The following RTN1 variants were observed in gnomAD, a reference collection of about 807,000 sequenced individuals.
RTN1 encodes reticulon-1.
RTN1 carries 25 observed loss-of-function variants against 65.5 expected under a neutral mutation model. That is an observed-to-expected ratio of 0.38 (90% CI 0.28 to 0.53). The LOEUF is 0.53. RTN1 is among the 20% of genes least tolerant of loss of function. The probability of loss-of-function intolerance (pLI) is 0.79; values close to 1 mark genes in which losing one functional copy is unlikely to be tolerated. For missense variants in RTN1, 983 were observed against 1,025.4 expected (o/e 0.96, Z 0.57); for synonymous variants, 471 against 447.6 (o/e 1.05, Z -0.66).
At chr14:59,833,750 G>A (rs941959283) in intron 1 of RTN1, among the ~76,000 whole-genome samples, 1 of 152,046 alleles carries the variant, frequency 6.6e-6, no homozygotes, top group Non-Finnish European at 1.5e-5. Flanking sequence ...TAATTTTAGA[G>A]AATATGCAGG....
In RTN1 at chr14:59,764,601, T is replaced by C. The variant is rs1450352264; in HGVS notation, c.242-18120A>G. On this transcript the variant is annotated intron_variant, in intron 1 of 8. Transcript: ENST00000267484. ...CCTCCCAAAGTGCTGGGATTACAGG[T>C]GTGAGCCATCGCGCCCAGCCGTGAA... is the stretch of plus-strand genomic sequence containing the variant. 2.6e-5 allele frequency among the ~76,000 whole-genome samples: 4 copies of C among 152,214 alleles called. No individual in the cohort carries two copies. The East Asian group carries it at 7.7e-4, about 29-fold the overall frequency.
chr14:59,819,315 C>T (rs1322081998), intron 1 of RTN1, among the ~76,000 whole-genome samples: 2 of 147,456 alleles, frequency 1.4e-5, no homozygotes, highest in Non-Finnish European at 1.5e-5. Flanking sequence ...TCTTTATTCC[C>T]TTATCTGGCC....
At chr14:59,657,053 A>T (rs1284627526) in intron 3 of RTN1, among the ~76,000 whole-genome samples, 1 of 152,118 alleles carries the variant, frequency 6.6e-6, no homozygotes, top group Non-Finnish European at 1.5e-5. Context: ...CAAAAGATAT[A>T]ATACCTAATC....
intron 3 of RTN1, among the ~76,000 whole-genome samples, chr14:59,713,990 C>T (rs1884477781): frequency 6.6e-6 from 1 of 152,110 alleles, no homozygotes; most frequent in South Asian, 2.1e-4. Flanking sequence ...AATCCCAGCA[C>T]CTTGGGAGGC....
intron 1 of RTN1, among the ~76,000 whole-genome samples, chr14:59,809,845 G>A (rs932666860): frequency 5.3e-5 from 8 of 152,068 alleles, no homozygotes; most frequent in African/African-American, 7.2e-5. Flanking sequence ...GTTTCAGGCC[G>A]ATTTTTGTGC....
intron 1 of RTN1, among the ~76,000 whole-genome samples, chr14:59,855,113 T>G (rs1355126636): frequency 1.3e-5 from 2 of 152,230 alleles, no homozygotes; most frequent in Non-Finnish European, 2.9e-5. Flanking sequence ...AATATACCTG[T>G]CAGTCTGTTT....
Position 59,727,880 on chromosome 14 carries a change from C to A in RTN1, c.1016-212G>T, listed in dbSNP as rs1196505589. 6.6e-6 allele frequency among the ~76,000 whole-genome samples: 1 copy of A among 152,152 alleles called. No homozygotes were observed. The highest frequency in any genetic ancestry group is 2.1e-4 in the South Asian group (1 of 4,822). ...ACTAAAAGGCTAATTACTGTTATGG[C>A]CCAATTAATTAGTGTTTTACAGACC... is the stretch of plus-strand genomic sequence containing the variant. On this transcript the variant is annotated intron_variant, in intron 2 of 8. Coordinates refer to ENST00000267484, the MANE Select transcript of RTN1 (RefSeq NM_021136.3). The surrounding 1 kb of genome is among the most constrained non-coding windows in gnomAD (Gnocchi z 4.2).
rs146320406 is a variant in RTN1, at chr14:59,868,764, G to A, written c.241+1626C>T. 5.3e-5 allele frequency among the ~76,000 whole-genome samples: 8 copies of A among 152,290 alleles called. No individual in the cohort carries two copies. The East Asian group carries it at 1.3e-3, about 26-fold the overall frequency. ...TCTTAGTGGCACTAATAGGAGGTGGGTAATGTTTCATAAAGAAACAATTTA... is the reference window on the plus strand; with the variant it reads ...TCTTAGTGGCACTAATAGGAGGTGGATAATGTTTCATAAAGAAACAATTTA... On this transcript the variant is annotated intron_variant, in intron 1 of 8. Transcript: ENST00000267484. The surrounding 1 kb of genome is among the most constrained non-coding windows in gnomAD (Gnocchi z 4.0).
chr14:59,639,153 T>G (rs941628160), intron 3 of RTN1, among the ~76,000 whole-genome samples: 1 of 152,168 alleles, frequency 6.6e-6, no homozygotes, highest in Non-Finnish European at 1.5e-5. Context: ...GGTTGAGCAG[T>G]CAGAACACAC....
intron 1 of RTN1, among the ~76,000 whole-genome samples, chr14:59,765,959 G>A (rs1048509649): frequency 5.9e-5 from 9 of 152,194 alleles, no homozygotes; most frequent in African/African-American, 1.9e-4. Flanking sequence ...GCTGGGCATG[G>A]TGGCTCACGC....
intron 3 of RTN1, among the ~76,000 whole-genome samples, chr14:59,679,944 C>T (rs927820844): frequency 2.6e-5 from 4 of 152,030 alleles, no homozygotes; most frequent in Non-Finnish European, 1.5e-5. Context: ...TCTTAAAAAC[C>T]AGGTCAGACT....
chr14:59,850,837 C>T (rs1160823746), intron 1 of RTN1, among the ~76,000 whole-genome samples: 2 of 152,204 alleles, frequency 1.3e-5, no homozygotes, highest in Non-Finnish European at 2.9e-5. Flanking sequence ...CACATGGGCA[C>T]TAAGAATGTG....
intron 1 of RTN1, among the ~76,000 whole-genome samples, chr14:59,780,767 T>G (rs548079271): frequency 6.6e-6 from 1 of 152,334 alleles, no homozygotes; most frequent in South Asian, 2.1e-4. Context: ...TAGTAGTGAA[T>G]CCAATTGTAT....
chr14:59,855,580 T>C (rs1887589550), intron 1 of RTN1, among the ~76,000 whole-genome samples: 3 of 152,242 alleles, frequency 2.0e-5, no homozygotes, highest in African/African-American at 7.2e-5. Context: ...TGTGTTAATA[T>C]GGTGTCGATT....
At chr14:59,673,439 A>G (rs1883554407) in intron 3 of RTN1, among the ~76,000 whole-genome samples, 1 of 152,214 alleles carries the variant, frequency 6.6e-6, no homozygotes, top group African/African-American at 2.4e-5. Flanking sequence ...TTGTCCCACA[A>G]CCAAGAGGAA....
At chr14:59,700,698 A>G (rs1278535495) in intron 3 of RTN1, among the ~76,000 whole-genome samples, 3 of 152,160 alleles carry the variant, frequency 2.0e-5, no homozygotes, top group Non-Finnish European at 4.4e-5. Context: ...ATCTCATACC[A>G]CATACAAAAA....
intron 3 of RTN1, among the ~76,000 whole-genome samples, chr14:59,666,775 C>T (rs1883384731): frequency 6.6e-6 from 1 of 151,790 alleles, no homozygotes; most frequent in South Asian, 2.1e-4. Context: ...CCACCAATCC[C>T]ACAGAAATAC....
intron 3 of RTN1, among the ~76,000 whole-genome samples, chr14:59,655,211 A>G (rs1883098990): frequency 6.6e-6 from 1 of 152,252 alleles, no homozygotes; most frequent in South Asian, 2.1e-4. Context: ...TTTCAATAGC[A>G]TAAGAAGGAA....
chr14:59,603,133 GAA>G lies in RTN1; in HGVS notation c.2230-12_2230-11del, dbSNP rs372518671. 1 of 1,508,786 alleles carries G rather than the reference GAA, an allele frequency of 6.6e-7. No homozygotes were observed. The highest frequency in any genetic ancestry group is 1.9e-5 in the Admixed American group (1 of 53,712). The allele number at this position is 1,508,786 out of a possible 1,614,324, so 93.5% of individuals were successfully genotyped here. On this transcript the variant is annotated splice_polypyrimidine_tract_variant and intron_variant, in intron 7 of 8. Coordinates refer to ENST00000267484, the MANE Select transcript of RTN1 (RefSeq NM_021136.3). ...ATTGGTCAATCTGTGCCTACATAAA[GAA>G]AAAAAAAATAATGAGCATATCCAAA... is the stretch of plus-strand genomic sequence containing the variant.
Sources: allele counts gnomAD v4.1 joint callset (sites outside exome capture counted in the v4.1 genomes callset), GRCh38; gene constraint gnomAD v4.1.1; non-coding constraint Gnocchi (gnomAD v3.1); transcripts MANE v1.5; gene names NCBI Gene and HGNC (gene_info 2026-07-23, HGNC 2026-07-21).